Variants in MTX2 observed in about 807,000 individuals in gnomAD.
MTX2 encodes metaxin-2.
Under a neutral mutation model 42.3 loss-of-function variants are expected in MTX2, and 35 were observed. That is an observed-to-expected ratio of 0.83 (90% CI 0.63 to 1.10). The LOEUF is 1.10. MTX2 is among the 50% of genes least tolerant of loss of function. MTX2 has a pLI of 0.00. For missense variants in MTX2, 307 were observed against 304.1 expected, an observed-to-expected ratio of 1.01 and a Z score of -0.07; for synonymous variants, 119 against 100.9, an observed-to-expected ratio of 1.18 and a Z score of -1.08.
At chr2:176,313,521 T>C (rs537550472) in intron 3 of MTX2, among the ~76,000 whole-genome samples, 2 of 151,520 alleles carry the variant, frequency 1.3e-5, no homozygotes, top group Non-Finnish European at 2.9e-5. Context: ...GCCTCCCAAG[T>C]AGCTGAGATT....
chr2:176,324,917 G>GT (rs767560944), intron 4 of MTX2, among the ~76,000 whole-genome samples: 20 of 151,630 alleles, frequency 1.3e-4, no homozygotes, highest in Non-Finnish European at 2.5e-4. Context: ...ATAGGGAAAT[G>GT]TTTTTTATTG....
intron 3 of MTX2, among the ~76,000 whole-genome samples, chr2:176,319,216 C>T (rs538990799): frequency 1.4e-4 from 22 of 152,072 alleles, no homozygotes; most frequent in Middle Eastern, 3.4e-3. Context: ...TTGCTATTTC[C>T]GAATTGAAAA....
At position 176,326,884 on chromosome 2, in the gene MTX2, C is replaced by A; in HGVS notation, c.268C>A (p.Gln90Lys). 6.4e-7 allele frequency: 1 copy of A among 1,558,592 alleles called. No individual in the cohort carries two copies. Among genetic ancestry groups the A allele is most frequent in the South Asian group, 1.2e-5 (1 of 85,112 alleles). The change falls in exon 5 of 10, where the codon CAA becomes AAA. Residue 90 changes from glutamine to lysine, a missense_variant. Physicochemically the swap from Gln to Lys is moderately conservative, Grantham distance 53. Transcript: ENST00000249442. ...QVVSELGPIV[Q>K]FVKAKGHSLS... ...AGTATCAGAACTTGGTCCAATAGTC[C>A]AATTTGTTAAAGCCAAGGTAATAAA... is the stretch of plus-strand genomic sequence containing the variant.
chr2:176,334,641 A>C (rs1404045530), intron 9 of MTX2, among the ~76,000 whole-genome samples: 1 of 151,904 alleles, frequency 6.6e-6, no homozygotes, highest in African/African-American at 2.4e-5. Context: ...TTAACACTTC[A>C]TGAATGTCAA....
At chr2:176,310,229 T>G (rs1312708659) in intron 3 of MTX2, among the ~76,000 whole-genome samples, 2 of 150,444 alleles carry the variant, frequency 1.3e-5, no homozygotes, top group Admixed American at 6.6e-5. Context: ...TGTTGAATAT[T>G]GGCCCCCAGT....
intron 8 of MTX2, 83 bp from the exon 9 acceptor site, chr2:176,330,501 C>A: frequency 1.1e-6 from 1 of 929,174 alleles, no homozygotes; most frequent in Non-Finnish European, 1.6e-6. Flanking sequence ...TTGTTATAAA[C>A]TGTGATACAA....
chr2:176,297,803 C>T, intron 2 of MTX2, 46 bp from the exon 3 acceptor site: 1 of 1,315,598 alleles, frequency 7.6e-7, no homozygotes, highest in Non-Finnish European at 1.0e-6. Context: ...AATAAAAATA[C>T]TATATTCTAC....
intron 3 of MTX2, among the ~76,000 whole-genome samples, chr2:176,309,230 A>G (rs1279032727): frequency 6.6e-6 from 1 of 152,118 alleles, no homozygotes; most frequent in East Asian, 1.9e-4. Context: ...CCTGAGTTCT[A>G]ATTTGATTGC....
chr2:176,311,282 C>T (rs1273147333), intron 3 of MTX2, among the ~76,000 whole-genome samples: 1 of 152,106 alleles, frequency 6.6e-6, no homozygotes, highest in Non-Finnish European at 1.5e-5. Flanking sequence ...AGCTTCGTCC[C>T]AGAGGAGCAC....
At chr2:176,290,429 T>C (rs1427874621) in intron 1 of MTX2, among the ~76,000 whole-genome samples, 1 of 152,098 alleles carries the variant, frequency 6.6e-6, no homozygotes, top group Non-Finnish European at 1.5e-5. Flanking sequence ...CTGCAAAAAC[T>C]TCAAATAAGT....
At chr2:176,333,584 A>G (rs375279005) in intron 9 of MTX2, among the ~76,000 whole-genome samples, 9 of 151,702 alleles carry the variant, frequency 5.9e-5, no homozygotes, top group African/African-American at 1.9e-4. Flanking sequence ...GAGTTGCTCA[A>G]ATTTGGAAAA....
chr2:176,314,341 G>T (rs1272695936), intron 3 of MTX2, among the ~76,000 whole-genome samples: 1 of 151,906 alleles, frequency 6.6e-6, no homozygotes, highest in African/African-American at 2.4e-5. Flanking sequence ...GGAGGCTGAG[G>T]CATGAGAATT....
Position 176,337,594 on chromosome 2 carries a change from A to G in MTX2, c.722A>G (p.Asn241Ser), listed in dbSNP as rs1185584487. The G allele has an allele frequency of 6.2e-7, 1 of 1,613,210 alleles. No individual in the cohort carries two copies. ...TCTGAGAAGGTGAAAAACTATAGCA[A>G]CCTCCTTGCTTTCTGTAGGAGAATT... ...ELSEKVKNYS[N>S]LLAFCRRIEQ... is the part of the protein sequence containing the mutation. Residue 241 changes from asparagine to serine, a missense_variant, in exon 10 of 10, where the codon AAC (asparagine) becomes AGC (serine). Coordinates refer to ENST00000249442, the MANE Select transcript of MTX2 (RefSeq NM_006554.5).
At chr2:176,281,341 A>C (rs891300101) in intron 1 of MTX2, among the ~76,000 whole-genome samples, 1 of 152,182 alleles carries the variant, frequency 6.6e-6, no homozygotes, top group Middle Eastern at 3.2e-3. Flanking sequence ...CTCTGGAAGC[A>C]TCTTCACTTG....
At chr2:176,288,708 G>A (rs1443284944) in intron 1 of MTX2, among the ~76,000 whole-genome samples, 5 of 151,732 alleles carry the variant, frequency 3.3e-5, no homozygotes, top group South Asian at 4.2e-4. Flanking sequence ...TTGGAAATAT[G>A]ACAGAACTGA....
chr2:176,323,411 A>T lies in MTX2; in HGVS notation c.155A>T (p.Asn52Ile). 1 of 1,611,422 alleles carries T rather than the reference A, an allele frequency of 6.2e-7. No homozygotes were observed. The highest frequency in any genetic ancestry group is 8.5e-7 in the Non-Finnish European group (1 of 1,178,282). Reference sequence around the variant, plus strand: ...TTACAGGCCTTTTTGCAAATGTGTAACTTGCCTATCAAAGTAGTTTGTAGG... The same window carrying T: ...TTACAGGCCTTTTTGCAAATGTGTATCTTGCCTATCAAAGTAGTTTGTAGG... ...LAVQAFLQMCNLPIKVVCRAN... is the reference protein window; with the variant it reads ...LAVQAFLQMCILPIKVVCRAN... Residue 52 changes from asparagine to isoleucine, a missense_variant, in exon 4 of 10, where the codon AAC (asparagine) becomes ATC (isoleucine). Physicochemically the swap from Asn to Ile is moderately radical, Grantham distance 149 (BLOSUM62 -3). Coordinates refer to ENST00000249442, the MANE Select transcript of MTX2 (RefSeq NM_006554.5).
intron 1 of MTX2, among the ~76,000 whole-genome samples, chr2:176,287,897 CT>C (rs35080426): frequency 0.28 from 38,707 of 140,010 alleles, 5,077 homozygotes; most frequent in South Asian, 0.34. Flanking sequence ...ATACTGACTG[CT>C]TTTTTTTTTT....
chr2:176,328,987 G>C (rs1684788530), intron 7 of MTX2, 75 bp downstream of exon 7: 1 of 1,293,268 alleles, frequency 7.7e-7, no homozygotes, highest in East Asian at 2.3e-5. Flanking sequence ...GCAAGTCCCT[G>C]CTCATAAATG....
rs752547440 is a variant in MTX2, at chr2:176,296,859, G to C, written c.41-1G>C. ...TAATTATCACTGCCTTGTTTCCATA[G>C]CTGCAGAACCTTGGCCTGAAAATGC... On this transcript the variant is annotated splice_acceptor_variant, in intron 1 of 9. Coordinates refer to ENST00000249442, the MANE Select transcript of MTX2 (RefSeq NM_006554.5). LOFTEE classifies it high-confidence loss of function. 5.0e-6 allele frequency: 8 copies of C among 1,613,242 alleles called. No individual in the cohort carries two copies. Among genetic ancestry groups the C allele is most frequent in the Admixed American group, 3.3e-5 (2 of 59,972 alleles).
Sources: gnomAD v4.1 joint callset for allele counts (sites outside exome capture counted in the v4.1 genomes callset) on GRCh38, gnomAD v4.1.1 for gene constraint, MANE v1.5 for transcripts, NCBI Gene and HGNC (gene_info 2026-07-23, HGNC 2026-07-21) for gene names.